Variants in FKBP11 observed in about 807,000 individuals in gnomAD.
FKBP11 encodes peptidyl-prolyl cis-trans isomerase FKBP11.
In FKBP11, 21 loss-of-function variants were observed where a neutral mutation model predicts 24.7. The observed-to-expected ratio is 0.85, with a 90% CI of 0.60 to 1.23. The LOEUF (loss-of-function observed/expected upper bound fraction) is 1.23, where lower values mean the gene tolerates loss of function less well. FKBP11 is among the 50% of genes most tolerant of loss of function. FKBP11 has a pLI of 0.00. For synonymous variants in FKBP11, 106 were observed against 100.6 expected (o/e 1.05, Z -0.32); for missense variants, 245 against 248.7 (o/e 0.99, Z 0.10).
At chr12:48,931,736 G>A in the FKBP11 span, 9 of 462,544 alleles carry the variant, frequency 1.9e-5, no homozygotes, top group South Asian at 2.9e-4. Flanking sequence ...AAGGTTGCAT[G>A]ACTATTATGT....
At chr12:48,927,877 T>G (rs1939999130), upstream of FKBP11, among the ~76,000 whole-genome samples, 1 of 151,998 alleles carries the variant, frequency 6.6e-6, no homozygotes, top group Non-Finnish European at 1.5e-5. Context: ...CTGGATTGCC[T>G]ACCACCAGAC....
the FKBP11 span, chr12:48,937,389 C>T: frequency 1.3e-5 from 2 of 152,670 alleles, no homozygotes; most frequent in African/African-American, 4.8e-5. Flanking sequence ...CACGTCTTCA[C>T]AGAAACTACA....
chr12:48,924,581 C>A lies in FKBP11; in HGVS notation c.263G>T (p.Gly88Val). The A allele has an allele frequency of 6.2e-7, 1 of 1,614,018 alleles. No individual in the cohort carries two copies. Among genetic ancestry groups the A allele is most frequent in the Non-Finnish European group, 8.5e-7 (1 of 1,179,982 alleles). The change falls in exon 3 of 6, where the codon GGC becomes GTC. Residue 88 changes from glycine to valine, a missense_variant. Gly to Val is a moderately radical substitution (Grantham distance 109). Transcript: ENST00000550765. ...CATACCTGGAATCACCTGCTTTTGG[C>A]CAAGTTCTATAACCAGAGGGTCTCT... ...LTRDPLVIEL[G>V]QKQVIPGLEQ...
chr12:48,930,232 TA>T (rs1194368869), upstream of FKBP11, among the ~76,000 whole-genome samples: 1 of 152,168 alleles, frequency 6.6e-6, no homozygotes, highest in Admixed American at 6.6e-5. Context: ...ATACCCTAAG[TA>T]AAAAAGCAAG....
chr12:48,929,349 A>G (rs1034970127), upstream of FKBP11, among the ~76,000 whole-genome samples: 9 of 151,992 alleles, frequency 5.9e-5, no homozygotes, highest in Non-Finnish European at 8.8e-5. Context: ...TCAGGAGGCT[A>G]AGGTGGGAGG....
At chr12:48,931,541 C>T in the FKBP11 span, 4 of 1,356,272 alleles carry the variant, frequency 2.9e-6, no homozygotes, top group Admixed American at 6.1e-5. Flanking sequence ...TTGGCCCACC[C>T]CTGGCTGGAG....
At chr12:48,922,810 C>G (rs1341608273) in intron 5 of FKBP11, 1 of 1,011,650 alleles carries the variant, frequency 9.9e-7, no homozygotes, top group African/African-American at 1.7e-5. Flanking sequence ...CTTGGTCCCC[C>G]TACCCTCCTT....
At chr12:48,922,396 G>T in intron 5 of FKBP11, 195 bp from the exon 6 acceptor site, 1 of 683,464 alleles carries the variant, frequency 1.5e-6, no homozygotes, top group Non-Finnish European at 2.2e-6. Flanking sequence ...TAATCATGTT[G>T]ACCCCAACTA....
chr12:48,925,275 C>CT (rs1227639113), intron 1 of FKBP11, 25 bp downstream of exon 1: 1 of 1,609,276 alleles, frequency 6.2e-7, no homozygotes, highest in Non-Finnish European at 8.5e-7. Context: ...CCCACGGGGG[C>CT]TGAGGGTCGG....
chr12:48,932,263 T>TATATATATATA, the FKBP11 span, among the ~76,000 whole-genome samples: 2 of 25,062 alleles, frequency 8.0e-5, no homozygotes, highest in Non-Finnish European at 1.3e-4. Flanking sequence ...ATATATATAT[T>TATATATATATA]TTTTTTTTTT....
chr12:48,924,773 C>T, intron 2 of FKBP11, 125 bp from the exon 3 acceptor site: 3 of 1,502,824 alleles, frequency 2.0e-6, no homozygotes, highest in Non-Finnish European at 1.8e-6. Context: ...GTTCCCCTTA[C>T]CGCTGTAAGG....
the FKBP11 span, among the ~76,000 whole-genome samples, chr12:48,935,082 G>A: frequency 1.3e-5 from 2 of 150,702 alleles, no homozygotes; most frequent in Non-Finnish European, 2.9e-5. Context: ...ACTCTTATCA[G>A]CACCCTGTCA....
intron 2 of FKBP11, 156 bp from the exon 3 acceptor site, chr12:48,924,804 T>A (rs1939920946): frequency 6.9e-7 from 1 of 1,456,500 alleles, no homozygotes; most frequent in South Asian, 1.4e-5. Flanking sequence ...CCCAGAAGGC[T>A]GGCGCTTCTC....
intron 3 of FKBP11, 51 bp downstream of exon 3, chr12:48,924,510 A>C: frequency 1.3e-6 from 2 of 1,546,372 alleles, no homozygotes; most frequent in Non-Finnish European, 1.8e-6. Context: ...GAAGAGGCTA[A>C]GAAAGGGCTT....
At chr12:48,924,497 G>A (rs1329674053) in intron 3 of FKBP11, 64 bp downstream of exon 3, 5 of 1,479,354 alleles carry the variant, frequency 3.4e-6, no homozygotes, top group Non-Finnish European at 3.8e-6. Flanking sequence ...CAGCTTTGGA[G>A]CCGAAGAGGC....
At chr12:48,925,685 C>T (rs754124047), upstream of FKBP11, 7 of 537,508 alleles carry the variant, frequency 1.3e-5, no homozygotes, top group East Asian at 9.0e-5. Flanking sequence ...TGTCCTATAA[C>T]GTGGGTCGGG....
At chr12:48,927,100 G>A (rs1592233332), upstream of FKBP11, among the ~76,000 whole-genome samples, 1 of 152,208 alleles carries the variant, frequency 6.6e-6, no homozygotes, top group Non-Finnish European at 1.5e-5. Context: ...GAGCCAATGC[G>A]CCCAGCCAAC....
chr12:48,929,671 C>T (rs1052091701), upstream of FKBP11, among the ~76,000 whole-genome samples: 3 of 152,212 alleles, frequency 2.0e-5, no homozygotes, highest in Admixed American at 2.0e-4. Flanking sequence ...AACTGAATCC[C>T]TCTTAGAGAC....
In FKBP11 at chr12:48,922,168, A is replaced by G. The variant is rs775868601; in HGVS notation, c.422T>C (p.Ile141Thr). The change falls in exon 6 of 6, where the codon ATT becomes ACT. Residue 141 changes from isoleucine to threonine, a missense_variant. Coordinates refer to ENST00000550765, the MANE Select transcript of FKBP11 (RefSeq NM_016594.3). ...CCAGTAGTTGGCTCGGATTAGTGCA[A>G]TCAGCTCCACGTCATACTGCACCAC... ...DAVVQYDVEL[I>T]ALIRANYWLK... 6.2e-7 allele frequency: 1 copy of G among 1,614,052 alleles called. No individual in the cohort carries two copies. Among genetic ancestry groups the G allele is most frequent in the East Asian group, 2.2e-5 (1 of 44,884 alleles).
Sources: allele counts gnomAD v4.1 joint callset (sites outside exome capture counted in the v4.1 genomes callset), GRCh38; gene constraint gnomAD v4.1.1; transcripts MANE v1.5; gene names NCBI Gene and HGNC (gene_info 2026-07-23, HGNC 2026-07-21).